AGBL4: variants seen among roughly 807,000 people sequenced by gnomAD.
The protein encoded by AGBL4 is cytosolic carboxypeptidase 6.
In AGBL4, 58 loss-of-function variants were observed where a neutral mutation model predicts 66.4. That is an observed-to-expected ratio of 0.87 (90% CI 0.71 to 1.09). The LOEUF (loss-of-function observed/expected upper bound fraction) is 1.09. Among genes scored for constraint, AGBL4 ranks in the 50% least tolerant of loss-of-function variants. The probability of loss-of-function intolerance (pLI) is 0.00; values close to 1 mark genes in which losing one functional copy is unlikely to be tolerated. For missense variants in AGBL4, 579 were observed against 631.0 expected (o/e 0.92, Z 0.88); for synonymous variants, 234 against 222.9 (o/e 1.05, Z -0.44).
At chr1:49,181,352 G>A (rs1301430959) in intron 4 of AGBL4, among the ~76,000 whole-genome samples, 1 of 152,066 alleles carries the variant, frequency 6.6e-6, no homozygotes, top group Non-Finnish European at 1.5e-5. Context: ...CCCCCAACCT[G>A]GGTTCCAACA....
At chr1:48,573,759 G>C (rs1644606005) in intron 11 of AGBL4, among the ~76,000 whole-genome samples, 1 of 152,026 alleles carries the variant, frequency 6.6e-6, no homozygotes, top group South Asian at 2.1e-4. Context: ...GATAACCTAG[G>C]AATTTATTAT....
chr1:48,636,049 T>C (rs574657717), intron 8 of AGBL4, among the ~76,000 whole-genome samples: 7 of 152,374 alleles, frequency 4.6e-5, no homozygotes, highest in African/African-American at 1.7e-4. Context: ...TTATTTTGTT[T>C]TCAGTGCTGC....
At chr1:49,972,733 T>C (rs796609304) in intron 1 of AGBL4, among the ~76,000 whole-genome samples, 1 of 152,292 alleles carries the variant, frequency 6.6e-6, no homozygotes, top group African/African-American at 2.4e-5. Context: ...GTTAATCCCT[T>C]ACTGTGCCTA....
chr1:48,541,638 G>A lies in AGBL4; in HGVS notation c.1268-1900C>T, dbSNP rs969449592. On this transcript the variant is annotated intron_variant, in intron 11 of 13. Transcript: ENST00000371839. ...TACAAAATTAGTTGGGCGTTGGGGC[G>A]CATGCCTGTAATCCCAGCTACTGGG... is the stretch of plus-strand genomic sequence containing the variant. Among the ~76,000 whole-genome samples, 19 of 152,218 alleles carry A rather than the reference G, an allele frequency of 1.2e-4. No individual in the cohort carries two copies. The South Asian group carries it at 2.1e-3, about 17-fold the overall frequency.
intron 2 of AGBL4, among the ~76,000 whole-genome samples, chr1:49,822,360 G>A (rs1033550489): frequency 2.2e-4 from 33 of 147,294 alleles, no homozygotes; most frequent in Non-Finnish European, 3.3e-4. Flanking sequence ...ACGGAGTCTC[G>A]CTCTGTCACC....
chr1:48,934,646 AC>A (rs1405541561), intron 5 of AGBL4, among the ~76,000 whole-genome samples: 2 of 151,924 alleles, frequency 1.3e-5, no homozygotes, highest in African/African-American at 2.4e-5. Context: ...ATCACCACCC[AC>A]CTGGTTCCTT....
intron 6 of AGBL4, among the ~76,000 whole-genome samples, chr1:48,769,932 T>C (rs1001821432): frequency 6.6e-6 from 1 of 152,220 alleles, no homozygotes; most frequent in Non-Finnish European, 1.5e-5. Flanking sequence ...CTCTCTAAAA[T>C]TTCCTCTTCA....
At chr1:48,624,848 C>A (rs1021307344) in intron 9 of AGBL4, among the ~76,000 whole-genome samples, 1 of 151,646 alleles carries the variant, frequency 6.6e-6, no homozygotes, top group Non-Finnish European at 1.5e-5. Context: ...CTTTACTCAG[C>A]GAATTTGTAT....
chr1:48,607,763 C>CA (rs1388608871), intron 9 of AGBL4, among the ~76,000 whole-genome samples: 1 of 152,164 alleles, frequency 6.6e-6, no homozygotes, highest in Non-Finnish European at 1.5e-5. Flanking sequence ...CACACAAACT[C>CA]ACACTTGCAT....
chr1:49,966,349 T>C (rs1571975511), intron 1 of AGBL4, among the ~76,000 whole-genome samples: 1 of 152,216 alleles, frequency 6.6e-6, no homozygotes. Flanking sequence ...TTGTATCCTG[T>C]TTCTGCATGT....
At chr1:49,377,227 C>T (rs1244278715) in intron 3 of AGBL4, among the ~76,000 whole-genome samples, 1 of 152,038 alleles carries the variant, frequency 6.6e-6, no homozygotes, top group East Asian at 1.9e-4. Flanking sequence ...GAGAGTGACA[C>T]AAAACTATGA....
intron 1 of AGBL4, among the ~76,000 whole-genome samples, chr1:49,896,202 T>G (rs756610327): frequency 1.2e-4 from 19 of 152,050 alleles, no homozygotes; most frequent in Non-Finnish European, 1.5e-5. Flanking sequence ...TAAATATATA[T>G]GTACCCAATA....
chr1:48,624,688 T>C (rs965757327), intron 9 of AGBL4, among the ~76,000 whole-genome samples: 8 of 152,152 alleles, frequency 5.3e-5, no homozygotes, highest in Non-Finnish European at 1.0e-4. Context: ...TCCTTTGCAC[T>C]GGAGGGATTT....
chr1:49,357,453 G>A (rs1644043688), intron 3 of AGBL4, among the ~76,000 whole-genome samples: 1 of 152,198 alleles, frequency 6.6e-6, no homozygotes, highest in Non-Finnish European at 1.5e-5. Context: ...TGGAAGTAGA[G>A]AGGGGCCTGC....
At chr1:48,627,042 C>T (rs1645514491) in intron 9 of AGBL4, among the ~76,000 whole-genome samples, 1 of 152,032 alleles carries the variant, frequency 6.6e-6, no homozygotes. Context: ...ATCCTTTACC[C>T]CTCACCCTCC....
chr1:49,189,353 G>C (rs1307122070), intron 4 of AGBL4, among the ~76,000 whole-genome samples: 1 of 152,142 alleles, frequency 6.6e-6, no homozygotes, highest in African/African-American at 2.4e-5. Flanking sequence ...GTGTTGAACA[G>C]ATGAGTGAGT....
chr1:49,717,901 C>G (rs1249118134), intron 2 of AGBL4, among the ~76,000 whole-genome samples: 1 of 151,986 alleles, frequency 6.6e-6, no homozygotes, highest in Admixed American at 6.6e-5. Flanking sequence ...GTTCAGGGAA[C>G]CAGAATACAA....
rs184332454 is a variant in AGBL4 at position 49,763,449 on chromosome 1, C to A, written c.158-66012G>T. Among the ~76,000 whole-genome samples, 239 of 152,208 alleles carry A rather than the reference C, an allele frequency of 1.6e-3. 1 individual carries two copies. The highest frequency in any genetic ancestry group is 4.9e-3 in the African/African-American group (204 of 41,502). ...AAGCAGCTAGTGTGTGCATCTCTCA[C>A]GTAGAGGAAACAAAACGGTGAGCAA... is the stretch of plus-strand genomic sequence containing the variant. On this transcript the variant is annotated intron_variant, in intron 2 of 13. Transcript: ENST00000371839.
chr1:49,195,262 T>C lies in AGBL4; in HGVS notation c.377+50508A>G, dbSNP rs1647206727. Among the ~76,000 whole-genome samples the C allele has an allele frequency of 2.6e-5, 4 of 152,242 alleles. No individual in the cohort carries two copies. In the South Asian group the frequency reaches 8.3e-4, roughly 32 times the overall value. On this transcript the variant is annotated intron_variant, in intron 4 of 13. Transcript: ENST00000371839. ...TTATAAGACCTTTCATGTTTTATACTTTGATGTGTTTTTATGAATGTGAAT... is the reference window on the plus strand; with the variant it reads ...TTATAAGACCTTTCATGTTTTATACCTTGATGTGTTTTTATGAATGTGAAT...
Sources: allele counts gnomAD v4.1 joint callset (sites outside exome capture counted in the v4.1 genomes callset), GRCh38; gene constraint gnomAD v4.1.1; transcripts MANE v1.5; gene names NCBI Gene and HGNC (gene_info 2026-07-23, HGNC 2026-07-21).